The following PTPRD variants were observed in gnomAD, a reference collection of about 807,000 sequenced individuals.
The protein encoded by PTPRD is protein tyrosine phosphatase receptor type D, also known as receptor-type tyrosine-protein phosphatase delta.
In PTPRD, 34 loss-of-function variants were observed where a neutral mutation model predicts 214.5. The ratio of observed to expected loss-of-function variants is 0.16; its 90% confidence interval spans 0.12 to 0.21. The LOEUF is 0.21. PTPRD is among the 10% of genes least tolerant of loss of function. The pLI is 1.00. For synonymous variants in PTPRD, 1,128 were observed against 845.7 expected (o/e 1.33, Z -5.79); for missense variants, 2,545 against 2,398.7 (o/e 1.06, Z -1.27).
intron 9 of PTPRD, among the ~76,000 whole-genome samples, chr9:9,237,685 A>G (rs2099967739): frequency 6.6e-6 from 1 of 152,078 alleles, no homozygotes; most frequent in Admixed American, 6.5e-5. Flanking sequence ...TGGAAAGCTG[A>G]TCTTCAGACT....
chr9:10,503,742 T>C (rs1308901262), intron 2 of PTPRD, among the ~76,000 whole-genome samples: 3 of 151,868 alleles, frequency 2.0e-5, no homozygotes, highest in South Asian at 2.1e-4. Context: ...GGTGAGACAA[T>C]TATACGTGCT....
intron 3 of PTPRD, among the ~76,000 whole-genome samples, chr9:10,145,710 T>C (rs529446820): frequency 2.6e-5 from 4 of 152,252 alleles, no homozygotes; most frequent in South Asian, 4.1e-4. Flanking sequence ...GTCTCCAGCA[T>C]GTGTGTATGT....
intron 2 of PTPRD, among the ~76,000 whole-genome samples, chr9:10,446,405 A>G (rs1257591558): frequency 6.0e-5 from 9 of 149,242 alleles, no homozygotes; most frequent in African/African-American, 2.2e-4. Context: ...TTTTTATTAA[A>G]ACTATTTTTT....
intron 10 of PTPRD, among the ~76,000 whole-genome samples, chr9:9,113,232 C>T (rs2099808659): frequency 1.3e-5 from 2 of 151,978 alleles, no homozygotes; most frequent in Admixed American, 6.6e-5. Flanking sequence ...GCTTCAGCCC[C>T]CCGAGGTGCT....
intron 36 of PTPRD, 41 bp downstream of exon 36, chr9:8,404,496 C>G (rs1172524699): frequency 1.3e-6 from 2 of 1,586,122 alleles, no homozygotes; most frequent in South Asian, 1.1e-5. Flanking sequence ...ATACTCAAAT[C>G]CATGAAAATA....
intron 11 of PTPRD, among the ~76,000 whole-genome samples, chr9:8,919,913 A>AGTGGATGCATGTGCATGC (rs2098814930): frequency 6.6e-6 from 1 of 152,130 alleles, no homozygotes; most frequent in Admixed American, 6.5e-5. Context: ...TGTATGCATA[A>AGTGGATGCATGTGCATGC]GTGGATGCAT....
intron 3 of PTPRD, among the ~76,000 whole-genome samples, chr9:10,106,181 C>G (rs2098630529): frequency 6.6e-6 from 1 of 151,738 alleles, no homozygotes; most frequent in African/African-American, 2.4e-5. Flanking sequence ...AACAAGTTCT[C>G]TCCTCTACCA....
At chr9:8,393,889 T>TA (rs772443373) in intron 36 of PTPRD, among the ~76,000 whole-genome samples, 1 of 152,128 alleles carries the variant, frequency 6.6e-6, no homozygotes, top group Non-Finnish European at 1.5e-5. Flanking sequence ...AAATATTACT[T>TA]ACATGCTTTA....
intron 3 of PTPRD, among the ~76,000 whole-genome samples, chr9:10,325,231 T>C (rs1047282503): frequency 6.6e-6 from 1 of 152,008 alleles, no homozygotes; most frequent in Non-Finnish European, 1.5e-5. Flanking sequence ...TCTGAATTCC[T>C]GACAAGCACA....
At chr9:8,848,654 G>A (rs376736747) in intron 11 of PTPRD, among the ~76,000 whole-genome samples, 2 of 151,886 alleles carry the variant, frequency 1.3e-5, no homozygotes, top group East Asian at 1.9e-4. Flanking sequence ...GTCATTGGGC[G>A]TACTTGCCTG....
intron 2 of PTPRD, among the ~76,000 whole-genome samples, chr9:10,359,479 G>A (rs1188457938): frequency 6.6e-6 from 1 of 151,870 alleles, no homozygotes; most frequent in Non-Finnish European, 1.5e-5. Flanking sequence ...AAAGCATTTT[G>A]TCACTTTTAA....
chr9:8,841,759 C>T (rs922969196), intron 11 of PTPRD, among the ~76,000 whole-genome samples: 1 of 151,710 alleles, frequency 6.6e-6, no homozygotes. Flanking sequence ...CTCCTGTAAT[C>T]CCAGCACTTT....
At position 8,597,065 on chromosome 9, in the gene PTPRD, GA is replaced by G. The variant is rs933517921; in HGVS notation, c.352+36251del. On this transcript the variant is annotated intron_variant, in intron 14 of 45. Coordinates refer to ENST00000381196, the MANE Select transcript of PTPRD (RefSeq NM_002839.4). ...TTGCTCAAATAAATCAATTGTAACA[GA>G]AAAAAAGCGCATTTTTAAAATTACA... 5.9e-5 allele frequency among the ~76,000 whole-genome samples: 9 copies of G among 151,960 alleles called. No homozygotes were observed. In the South Asian group the frequency reaches 1.4e-3, roughly 24 times the overall value.
intron 3 of PTPRD, among the ~76,000 whole-genome samples, chr9:10,036,830 C>A (rs937924657): frequency 6.6e-6 from 1 of 151,936 alleles, no homozygotes; most frequent in African/African-American, 2.4e-5. Flanking sequence ...GATCTGCCCG[C>A]CTCGGCCTCC....
At chr9:8,623,518 A>G (rs530966827) in intron 14 of PTPRD, among the ~76,000 whole-genome samples, 1 of 152,004 alleles carries the variant, frequency 6.6e-6, no homozygotes, top group African/African-American at 2.4e-5. Flanking sequence ...CTGCTTCACA[A>G]ATGGGGCAGT....
chr9:10,150,410 A>G (rs28623245), intron 3 of PTPRD, among the ~76,000 whole-genome samples: 55,992 of 151,858 alleles, frequency 0.37, 10,411 homozygotes, highest in South Asian at 0.44. Context: ...CCATTGCAGA[A>G]ACAGAAAATC....
chr9:9,533,448 C>G (rs1238026343), intron 8 of PTPRD, among the ~76,000 whole-genome samples: 1 of 152,050 alleles, frequency 6.6e-6, no homozygotes, highest in African/African-American at 2.4e-5. Flanking sequence ...ATGGCATTAT[C>G]TGTTTAATTT....
At chr9:10,423,525 G>T (rs769928242) in intron 2 of PTPRD, among the ~76,000 whole-genome samples, 1 of 151,916 alleles carries the variant, frequency 6.6e-6, no homozygotes, top group Non-Finnish European at 1.5e-5. Flanking sequence ...TCTACACAAA[G>T]ATATGCTAGT....
In PTPRD at chr9:8,636,858, TA is replaced by T. The variant is rs1342260366; in HGVS notation, c.65-15del. 6.2e-7 allele frequency: 1 copy of T among 1,609,168 alleles called. No homozygotes were observed. The highest frequency in any genetic ancestry group is 8.5e-7 in the Non-Finnish European group (1 of 1,176,176). ...ACCTTGGAGGTGCTGAAATAAAAAA[TA>T]AACATCACAGTTAAATTGAAAACTG... On this transcript the variant is annotated splice_polypyrimidine_tract_variant and intron_variant, in intron 12 of 45. Coordinates refer to ENST00000381196, the MANE Select transcript of PTPRD (RefSeq NM_002839.4).
Sources: allele counts gnomAD v4.1 joint callset (sites outside exome capture counted in the v4.1 genomes callset), GRCh38; gene constraint gnomAD v4.1.1; transcripts MANE v1.5; gene names NCBI Gene and HGNC (gene_info 2026-07-23, HGNC 2026-07-21).